CDH4: variants seen among roughly 807,000 people sequenced by gnomAD.
The protein encoded by CDH4 is cadherin 4.
A neutral mutation model predicts 86.0 loss-of-function variants in CDH4; 33 were observed. The ratio of observed to expected loss-of-function variants is 0.38; its 90% CI spans 0.29 to 0.51. The LOEUF (loss-of-function observed/expected upper bound fraction) is 0.51. Among genes scored for constraint, CDH4 ranks in the 20% least tolerant of loss-of-function variants. The pLI is 0.86. For missense variants in CDH4, 1,114 were observed against 1,307.4 expected (o/e 0.85, Z 2.28); for synonymous variants, 555 against 549.4 (o/e 1.01, Z -0.14).
At chr20:61,786,410 C>T (rs934583714) in intron 4 of CDH4, among the ~76,000 whole-genome samples, 6 of 152,078 alleles carry the variant, frequency 3.9e-5, no homozygotes, top group Non-Finnish European at 8.8e-5. Flanking sequence ...TTCACATTGT[C>T]CCCGCTGAAG....
At chr20:61,408,610 C>T (rs2085097424) in intron 2 of CDH4, among the ~76,000 whole-genome samples, 1 of 152,178 alleles carries the variant, frequency 6.6e-6, no homozygotes, top group Non-Finnish European at 1.5e-5. Flanking sequence ...TAACCAGGCC[C>T]TGTGTTAGTG....
intron 2 of CDH4, among the ~76,000 whole-genome samples, chr20:61,603,769 G>A (rs2086621408): frequency 6.6e-6 from 1 of 152,192 alleles, no homozygotes; most frequent in African/African-American, 2.4e-5. Context: ...GCCTGCCTAG[G>A]TGTTCTCCAG....
intron 7 of CDH4, among the ~76,000 whole-genome samples, chr20:61,881,296 A>G (rs1456392824): frequency 6.6e-6 from 1 of 152,154 alleles, no homozygotes; most frequent in Non-Finnish European, 1.5e-5. Context: ...GGGAGGGGAG[A>G]CGATGGCCAT....
At chr20:61,533,828 G>A (rs1050155196) in intron 2 of CDH4, among the ~76,000 whole-genome samples, 5 of 152,216 alleles carry the variant, frequency 3.3e-5, no homozygotes, top group African/African-American at 1.2e-4. Flanking sequence ...GAGGGAGCCA[G>A]GCAAATGTGT....
chr20:61,699,752 G>GGGGGCTTTCACTGCGGACCC (rs2087754247), intron 2 of CDH4, among the ~76,000 whole-genome samples: 3 of 89,486 alleles, frequency 3.4e-5, no homozygotes, highest in Admixed American at 1.1e-4. Flanking sequence ...GCCTGCTGCT[G>GGGGGCTTTCACTGCGGACCC]GGGGCTTTCA....
intron 2 of CDH4, among the ~76,000 whole-genome samples, chr20:61,482,482 G>C (rs1432891113): frequency 6.6e-6 from 1 of 152,182 alleles, no homozygotes; most frequent in Admixed American, 6.5e-5. Context: ...AAACTTGAGC[G>C]GAGGCCTGGA....
chr20:61,415,392 A>G (rs2085141038), intron 2 of CDH4, among the ~76,000 whole-genome samples: 1 of 152,236 alleles, frequency 6.6e-6, no homozygotes. Context: ...AAATTTAACC[A>G]TTTTAACCAT....
chr20:61,433,052 T>G (rs2145518374), intron 2 of CDH4, among the ~76,000 whole-genome samples: 1 of 152,236 alleles, frequency 6.6e-6, no homozygotes, highest in South Asian at 2.1e-4. Flanking sequence ...TTGGCCAGGC[T>G]GGTCTCAAAC....
intron 6 of CDH4, among the ~76,000 whole-genome samples, chr20:61,871,079 G>A (rs1043104647): frequency 1.3e-5 from 2 of 151,688 alleles, no homozygotes; most frequent in Non-Finnish European, 2.9e-5. Context: ...ATATCAGAGA[G>A]AGAGACAGAG....
At position 61,830,461 on chromosome 20, in the gene CDH4, C is replaced by T. The variant is rs191358031; in HGVS notation, c.577-14207C>T. 5.3e-4 allele frequency among the ~76,000 whole-genome samples: 76 copies of T among 143,886 alleles called. No homozygotes were observed. In the East Asian group the frequency reaches 9.8e-3, roughly 19 times the overall value. 94.4% of individuals were successfully genotyped at this position (143,886 alleles called of 152,430 possible). ...CCTCCCGGGGCCTCTGCCATCCGGC[C>T]CAGGGCCACCACCTCCCAAGGCCCC... On this transcript the variant is annotated intron_variant, in intron 4 of 15. Coordinates refer to ENST00000614565, the MANE Select transcript of CDH4 (RefSeq NM_001794.5).
At chr20:61,330,251 A>G (rs915934134) in intron 2 of CDH4, among the ~76,000 whole-genome samples, 10 of 152,058 alleles carry the variant, frequency 6.6e-5, no homozygotes, top group African/African-American at 2.4e-4. Flanking sequence ...CTGGTTCTAG[A>G]TCTTTGAGGA....
chr20:61,607,652 G>A (rs547272500), intron 2 of CDH4, among the ~76,000 whole-genome samples: 74 of 152,332 alleles, frequency 4.9e-4, no homozygotes, highest in South Asian at 1.9e-3. Context: ...AGAGGAATCA[G>A]CATCATCAAG....
rs1460707023 is a variant in CDH4, at chr20:61,638,847, A to G, written c.170-104716A>G. 2.0e-5 allele frequency among the ~76,000 whole-genome samples: 3 copies of G among 152,296 alleles called. No homozygotes were observed. The South Asian group carries it at 6.2e-4, about 32-fold the overall frequency. ...GACCCTGAAAACTGAAGCACCCTGAAAATTCCCCAAGATCTCAGTGAGACT... is the reference window on the plus strand; with the variant it reads ...GACCCTGAAAACTGAAGCACCCTGAGAATTCCCCAAGATCTCAGTGAGACT... On this transcript the variant is annotated intron_variant, in intron 2 of 15. Transcript: ENST00000614565.
intron 3 of CDH4, among the ~76,000 whole-genome samples, chr20:61,757,624 ACCT>A (rs763490570): frequency 3.9e-5 from 6 of 152,208 alleles, no homozygotes; most frequent in Non-Finnish European, 8.8e-5. Context: ...AGAAGGGCAG[ACCT>A]CAGTGCAGAC....
At position 61,920,686 on chromosome 20, in the gene CDH4, G is replaced by A. The variant is rs184644528; in HGVS notation, c.1375-2765G>A. Among the ~76,000 whole-genome samples, 151 of 145,562 alleles carry A rather than the reference G, an allele frequency of 1.0e-3. 1 individual carries two copies. The highest frequency in any genetic ancestry group is 3.4e-3 in the African/African-American group (133 of 39,316). On this transcript the variant is annotated intron_variant, in intron 9 of 15. Coordinates refer to ENST00000614565, the MANE Select transcript of CDH4 (RefSeq NM_001794.5). ...AGTGACTGCATGGAAGCGTGGTGTC[G>A]TGATGATTGCATGGAAGCGTGGTGT...
At chr20:61,895,944 G>A (rs1233561956) in intron 8 of CDH4, among the ~76,000 whole-genome samples, 2 of 152,178 alleles carry the variant, frequency 1.3e-5, no homozygotes, top group Non-Finnish European at 2.9e-5. Context: ...CACCAGGCTG[G>A]GACGTGCAGA....
intron 2 of CDH4, among the ~76,000 whole-genome samples, chr20:61,729,284 C>T (rs970743510): frequency 4.6e-5 from 7 of 152,200 alleles, no homozygotes; most frequent in East Asian, 1.9e-4. Context: ...CACTGTGCTT[C>T]GTTCCAGTGG....
intron 2 of CDH4, chr20:61,434,573 A>T (rs772981348): frequency 6.6e-6 from 1 of 152,222 alleles, no homozygotes; most frequent in Non-Finnish European, 1.5e-5. Flanking sequence ...GGGGCTGCAG[A>T]GGAAATTGCT....
At chr20:61,335,635 G>C (rs1469817411) in intron 2 of CDH4, among the ~76,000 whole-genome samples, 1 of 152,170 alleles carries the variant, frequency 6.6e-6, no homozygotes, top group African/African-American at 2.4e-5. Context: ...GGATCAATAA[G>C]TCGTGCAAAT....
Sources: gnomAD v4.1 joint callset for allele counts (sites outside exome capture counted in the v4.1 genomes callset) on GRCh38, gnomAD v4.1.1 for gene constraint, MANE v1.5 for transcripts, NCBI Gene and HGNC (gene_info 2026-07-23, HGNC 2026-07-21) for gene names.